ANKS1A: variants seen among roughly 807,000 people sequenced by gnomAD.
The protein encoded by ANKS1A is ankyrin repeat and SAM domain-containing protein 1A.
A neutral mutation model predicts 120.3 loss-of-function variants in ANKS1A; 55 were observed. The observed-to-expected ratio is 0.46, with a 90% CI of 0.37 to 0.57. The LOEUF (loss-of-function observed/expected upper bound fraction) is 0.57, where lower values mean the gene tolerates loss of function less well. Among genes scored for constraint, ANKS1A ranks in the 20% least tolerant of loss-of-function variants. The pLI is 0.00. For missense variants in ANKS1A, 1,123 were observed against 1,480.3 expected (o/e 0.76, Z 3.96); for synonymous variants, 590 against 604.7 (o/e 0.98, Z 0.36).
At position 35,088,802 on chromosome 6, in the gene ANKS1A, GAGA is replaced by G; in HGVS notation, c.*196_*198del. On this transcript the variant is annotated 3_prime_UTR_variant, in exon 24 of 24. Coordinates refer to ENST00000360359, the MANE Select transcript of ANKS1A (RefSeq NM_015245.3). ...CAGAACGAGCCCTGCCTTGGCTGTG[GAGA>G]AGCACTCCAGGCCGCTAGCAGATGG... 6.6e-7 allele frequency: 1 copy of G among 1,504,576 alleles called. No homozygotes were observed. The highest frequency in any genetic ancestry group is 8.9e-7 in the Non-Finnish European group (1 of 1,127,814). The allele number at this position is 1,504,576 out of a possible 1,614,324, so 93.2% of individuals were successfully genotyped here.
chr6:35,080,473 G>A (rs1011594557), intron 16 of ANKS1A, among the ~76,000 whole-genome samples: 34 of 152,328 alleles, frequency 2.2e-4, no homozygotes, highest in Non-Finnish European at 1.6e-4. Flanking sequence ...CGCTCCCCGA[G>A]CCCTCGGGTG....
At chr6:35,076,672 A>G (rs1219458145) in intron 13 of ANKS1A, among the ~76,000 whole-genome samples, 1 of 152,164 alleles carries the variant, frequency 6.6e-6, no homozygotes, top group African/African-American at 2.4e-5. Flanking sequence ...CCTGTCGCCC[A>G]GGCTAGAGTG....
At chr6:35,045,020 T>C in intron 11 of ANKS1A, among the ~76,000 whole-genome samples, 1 of 152,138 alleles carries the variant, frequency 6.6e-6, no homozygotes, top group East Asian at 1.9e-4. Context: ...CCCTGGGAAA[T>C]GGCAGGGACT....
chr6:34,959,832 T>C (rs1770545660), intron 1 of ANKS1A, among the ~76,000 whole-genome samples: 1 of 152,228 alleles, frequency 6.6e-6, no homozygotes, highest in South Asian at 2.1e-4. Context: ...TGAAATCAGA[T>C]AGGAGGAACC....
At chr6:34,998,990 C>A (rs1389160135) in intron 10 of ANKS1A, among the ~76,000 whole-genome samples, 1 of 152,206 alleles carries the variant, frequency 6.6e-6, no homozygotes, top group Non-Finnish European at 1.5e-5. Context: ...AGGCACTTGC[C>A]CTGATGGGAC....
chr6:35,019,855 G>T (rs931270137), intron 11 of ANKS1A, among the ~76,000 whole-genome samples: 2 of 152,154 alleles, frequency 1.3e-5, no homozygotes, highest in African/African-American at 4.8e-5. Flanking sequence ...ATCAGTGGGT[G>T]GGGGAGTGGA....
chr6:34,987,407 G>GC (rs1554141584), intron 8 of ANKS1A, among the ~76,000 whole-genome samples: 2 of 150,600 alleles, frequency 1.3e-5, no homozygotes, highest in Admixed American at 1.3e-4. Context: ...TTTCCTTTTT[G>GC]TTTTTTTTTC....
intron 1 of ANKS1A, among the ~76,000 whole-genome samples, chr6:34,943,389 G>A (rs1209768193): frequency 1.3e-5 from 2 of 152,128 alleles, no homozygotes; most frequent in African/African-American, 4.8e-5. Context: ...CATCTTTAAT[G>A]TGTGGTACAT....
intron 1 of ANKS1A, among the ~76,000 whole-genome samples, chr6:34,909,833 A>T (rs1423043716): frequency 6.6e-6 from 1 of 152,186 alleles, no homozygotes; most frequent in Non-Finnish European, 1.5e-5. Context: ...GAAGGGGAAA[A>T]GCGAGAGTTA....
chr6:35,060,003 G>A lies in ANKS1A; in HGVS notation c.2078-144G>A. ...ACAGAAGAGGAGCTGCGTGTCTGCT[G>A]CTCTCTGGTCTCTTGTATATAGTTT... On this transcript the variant is annotated intron_variant, in intron 12 of 23. Coordinates refer to ENST00000360359, the MANE Select transcript of ANKS1A (RefSeq NM_015245.3). The surrounding 1 kb of genome is among the most constrained non-coding windows in gnomAD (Gnocchi z 4.5). 1.6e-6 allele frequency: 1 copy of A among 620,022 alleles called. No homozygotes were observed. The highest frequency in any genetic ancestry group is 2.9e-6 in the Non-Finnish European group (1 of 342,232). The allele number at this position is 620,022 out of a possible 1,614,324, so 38.4% of individuals were successfully genotyped here.
Position 34,940,996 on chromosome 6 carries a change from A to T in ANKS1A, c.198-26243A>T, listed in dbSNP as rs570433594. 1.5e-4 allele frequency among the ~76,000 whole-genome samples: 22 copies of T among 150,514 alleles called. No homozygotes were observed. The South Asian group carries it at 3.6e-3, about 25-fold the overall frequency. On this transcript the variant is annotated intron_variant, in intron 1 of 23. Transcript: ENST00000360359. Reference sequence around the variant, plus strand: ...TATAGTATTTCTACCTCTAAAAAAAATTTTTTTTTTGAGATGGAGTCTTGC... The same window carrying T: ...TATAGTATTTCTACCTCTAAAAAAATTTTTTTTTTTGAGATGGAGTCTTGC...
At chr6:35,067,662 GAA>G (rs550678983) in intron 13 of ANKS1A, among the ~76,000 whole-genome samples, 221 of 152,232 alleles carry the variant, frequency 1.5e-3, no homozygotes, top group African/African-American at 5.0e-3. Context: ...GGAAAAAAAA[GAA>G]AAACTGTCTG....
Position 35,090,173 on chromosome 6 carries a change from A to G in ANKS1A, c.*1564A>G, listed in dbSNP as rs2127620538. On this transcript the variant is annotated 3_prime_UTR_variant, in exon 24 of 24. Coordinates refer to ENST00000360359, the MANE Select transcript of ANKS1A (RefSeq NM_015245.3). ...GGCAGGCCCTCCTCCACTTCTTGGT[A>G]CTAAACGAAGATCTCGACACCTTGC... 1.6e-6 allele frequency: 2 copies of G among 1,289,454 alleles called. No individual in the cohort carries two copies. 79.9% of individuals were successfully genotyped at this position (1,289,454 alleles called of 1,614,324 possible).
Position 34,982,973 on chromosome 6 carries a change from C to A in ANKS1A, c.809-140C>A. The A allele has an allele frequency of 8.0e-7, 1 of 1,243,388 alleles. No homozygotes were observed. The highest frequency in any genetic ancestry group is 1.2e-6 in the Non-Finnish European group (1 of 854,386). 77.0% of individuals were successfully genotyped at this position (1,243,388 alleles called of 1,614,324 possible). The stretch of plus-strand genomic sequence containing the variant: ...GTTGATTACAAGTGTGTAAACTGTT[C>A]TTGAATAGCTGGATTAAATGGCTCT... On this transcript the variant is annotated intron_variant, in intron 5 of 23. Coordinates refer to ENST00000360359, the MANE Select transcript of ANKS1A (RefSeq NM_015245.3). The surrounding 1 kb of genome is among the most constrained non-coding windows in gnomAD (Gnocchi z 4.9).
chr6:35,079,145 T>C (rs1423659050), intron 14 of ANKS1A, among the ~76,000 whole-genome samples: 1 of 152,198 alleles, frequency 6.6e-6, no homozygotes, highest in Non-Finnish European at 1.5e-5. Context: ...CCGTCCCTTC[T>C]ACCTGTCCAG....
chr6:35,070,639 G>A (rs1777034355), intron 13 of ANKS1A, among the ~76,000 whole-genome samples: 2 of 151,780 alleles, frequency 1.3e-5, no homozygotes, highest in African/African-American at 2.4e-5. Context: ...ACAGGTGTCT[G>A]CCACCACGCT....
chr6:35,092,643 A>G (rs1320253857), downstream of ANKS1A, among the ~76,000 whole-genome samples: 2 of 152,220 alleles, frequency 1.3e-5, no homozygotes, highest in African/African-American at 4.8e-5. Context: ...GACAGCCAGA[A>G]GAGAAAGGTC....
chr6:34,936,256 G>A (rs1769252812), intron 1 of ANKS1A, among the ~76,000 whole-genome samples: 1 of 151,952 alleles, frequency 6.6e-6, no homozygotes, highest in Non-Finnish European at 1.5e-5. Context: ...TTCAGGCCAG[G>A]GCAGCAGCAG....
chr6:35,023,216 C>G (rs1489529896), intron 11 of ANKS1A, among the ~76,000 whole-genome samples: 5 of 152,126 alleles, frequency 3.3e-5, no homozygotes, highest in Non-Finnish European at 5.9e-5. Flanking sequence ...GTGACTAGCT[C>G]CCCTCCCTGC....
Sources: gnomAD v4.1 joint callset for allele counts (sites outside exome capture counted in the v4.1 genomes callset) on GRCh38, gnomAD v4.1.1 for gene constraint, Gnocchi (gnomAD v3.1) non-coding constraint, MANE v1.5 for transcripts, NCBI Gene and HGNC (gene_info 2026-07-23, HGNC 2026-07-21) for gene names.